Variants in NAA15 observed in about 807,000 individuals in gnomAD.
NAA15 encodes the protein N-alpha-acetyltransferase 15, NatA auxiliary subunit.
In NAA15, 34 loss-of-function variants were observed where a neutral mutation model predicts 114.0. That is an observed-to-expected ratio of 0.30 (90% confidence interval 0.23 to 0.40). The LOEUF is 0.40. Ranked by LOEUF, NAA15 falls within the 10% of genes least tolerant of loss-of-function variation. NAA15 has a pLI of 1.00. For missense variants in NAA15, 658 were observed against 1,004.5 expected (o/e 0.66, Z 4.66); for synonymous variants, 340 against 338.0 (o/e 1.01, Z -0.06).
intron 19 of NAA15, 154 bp downstream of exon 19, chr4:139,386,384 C>T (rs570673907): frequency 3.0e-4 from 143 of 468,968 alleles, no homozygotes; most frequent in Non-Finnish European, 4.6e-4. Context: ...GCTTGGCATT[C>T]AGTAACTAGT....
At chr4:139,327,256 A>G (rs1016637125) in intron 1 of NAA15, among the ~76,000 whole-genome samples, 18 of 151,378 alleles carry the variant, frequency 1.2e-4, no homozygotes, top group Admixed American at 7.2e-4. Context: ...TTGTTTGTTT[A>G]TTTGTTTGTT....
intron 6 of NAA15, among the ~76,000 whole-genome samples, chr4:139,346,645 G>A (rs1747593415): frequency 6.6e-6 from 1 of 152,012 alleles, no homozygotes; most frequent in African/African-American, 2.4e-5. Flanking sequence ...CCACCTCCCG[G>A]GTTCAAGCGA....
At chr4:139,338,790 A>T (rs1358916369) in intron 3 of NAA15, among the ~76,000 whole-genome samples, 1 of 150,780 alleles carries the variant, frequency 6.6e-6, no homozygotes, top group East Asian at 2.0e-4. Context: ...CCTCTGGCCT[A>T]AAAGTTGTTA....
At chr4:139,326,586 C>G (rs1746807821) in intron 1 of NAA15, among the ~76,000 whole-genome samples, 1 of 152,182 alleles carries the variant, frequency 6.6e-6, no homozygotes, top group Admixed American at 6.5e-5. Context: ...GCCCTTTTCA[C>G]TACTTCGTTA....
At chr4:139,320,302 G>A (rs374713982) in intron 1 of NAA15, among the ~76,000 whole-genome samples, 1 of 152,050 alleles carries the variant, frequency 6.6e-6, no homozygotes, top group African/African-American at 2.4e-5. Context: ...GTCCTATTTG[G>A]GTCTATTCCA....
chr4:139,340,843 G>GT, intron 3 of NAA15, 69 bp from the exon 4 acceptor site: 2 of 1,301,750 alleles, frequency 1.5e-6, no homozygotes, highest in Non-Finnish European at 2.0e-6. Context: ...GGTTCTCCAA[G>GT]TTTTTTGGGA....
chr4:139,328,347 C>T (rs531572979), intron 1 of NAA15, among the ~76,000 whole-genome samples: 24 of 151,730 alleles, frequency 1.6e-4, no homozygotes, highest in African/African-American at 5.8e-4. Flanking sequence ...GCTGGGATTA[C>T]AGGTGTCCGC....
At chr4:139,374,879 G>C (rs77765090) in intron 15 of NAA15, among the ~76,000 whole-genome samples, 24 of 152,270 alleles carry the variant, frequency 1.6e-4, no homozygotes, top group African/African-American at 5.5e-4. Flanking sequence ...TAATTTCTCT[G>C]TTTCCTCTCT....
In NAA15 at chr4:139,377,462, C is replaced by T. The variant is rs567105132; in HGVS notation, c.2056+989C>T. On this transcript the variant is annotated intron_variant, in intron 16 of 19. Transcript: ENST00000296543. ...CTGAGGCAGGAGAATCGCTTGAACC[C>T]GGGAGGCAGAGGTTGTGGTGAGCCT... 3.3e-4 allele frequency among the ~76,000 whole-genome samples: 50 copies of T among 151,596 alleles called. 1 individual carries two copies. The highest frequency in any genetic ancestry group is 1.1e-3 in the African/African-American group (44 of 41,302).
Position 139,381,269 on chromosome 4 carries a change from T to C in NAA15, c.2155+2415T>C, listed in dbSNP as rs200979965. Among the ~76,000 whole-genome samples the C allele has an allele frequency of 3.3e-5, 5 of 152,290 alleles. No individual in the cohort carries two copies. The South Asian group carries it at 1.0e-3, about 32-fold the overall frequency. On this transcript the variant is annotated intron_variant, in intron 17 of 19. Transcript: ENST00000296543. Reference sequence around the variant, plus strand: ...TTTATGATTTTAAATTTTAAAGTTGTAGGACTTAAAACAATTACATTTCTG... The same window carrying C: ...TTTATGATTTTAAATTTTAAAGTTGCAGGACTTAAAACAATTACATTTCTG...
chr4:139,328,179 C>T (rs1164626038), intron 1 of NAA15, among the ~76,000 whole-genome samples: 1 of 151,322 alleles, frequency 6.6e-6, no homozygotes, highest in Non-Finnish European at 1.5e-5. Context: ...GGGAAAGGTT[C>T]CATTTTAAAA....
intron 19 of NAA15, chr4:139,386,563 T>A (rs1748914354): frequency 5.7e-6 from 1 of 175,270 alleles, no homozygotes; most frequent in African/African-American, 2.4e-5. Flanking sequence ...GGCGTTTTGG[T>A]TCATGGCCTA....
intron 17 of NAA15, among the ~76,000 whole-genome samples, chr4:139,380,018 C>G (rs1207387391): frequency 2.6e-5 from 4 of 152,190 alleles, no homozygotes. Flanking sequence ...ACACTCCAGC[C>G]TGGGCAACAG....
At chr4:139,328,677 C>T (rs1579096808) in intron 1 of NAA15, among the ~76,000 whole-genome samples, 1 of 150,574 alleles carries the variant, frequency 6.6e-6, no homozygotes, top group South Asian at 2.1e-4. Flanking sequence ...AAGTGATTCT[C>T]CTGCCTCAGC....
rs1019358409 is a variant in NAA15, at chr4:139,370,094, C to T, written c.1754-117C>T. The T allele has an allele frequency of 2.8e-5, 24 of 850,566 alleles. No homozygotes were observed. The African/African-American group carries it at 3.9e-4, about 14-fold the overall frequency. 52.7% of individuals were successfully genotyped at this position (850,566 alleles called of 1,614,324 possible). On this transcript the variant is annotated intron_variant, in intron 14 of 19. Transcript: ENST00000296543. ...TGCTGGGATTATAGGCATGAGACGCCATGCCCAGCCTCATGCAATATTTTT... is the reference window on the plus strand; with the variant it reads ...TGCTGGGATTATAGGCATGAGACGCTATGCCCAGCCTCATGCAATATTTTT...
chr4:139,350,347 A>G (rs2110932062), intron 7 of NAA15, among the ~76,000 whole-genome samples: 1 of 152,328 alleles, frequency 6.6e-6, no homozygotes, highest in South Asian at 2.1e-4. Flanking sequence ...GCTCTGTGGT[A>G]AGCTGTGGCT....
At chr4:139,330,124 T>G (rs1430276684) in intron 1 of NAA15, among the ~76,000 whole-genome samples, 1 of 152,232 alleles carries the variant, frequency 6.6e-6, no homozygotes, top group Non-Finnish European at 1.5e-5. Flanking sequence ...AACTACATTT[T>G]TATACATGTA....
rs1394376398 is a variant in NAA15 at position 139,357,386 on chromosome 4, A to T, written c.1088A>T (p.Asp363Val). 6.2e-7 allele frequency: 1 copy of T among 1,613,504 alleles called. No individual in the cohort carries two copies. The highest frequency in any genetic ancestry group is 8.5e-7 in the Non-Finnish European group (1 of 1,179,794). Residue 363 changes from aspartate (D) to valine (V), a missense_variant and splice_region_variant, in exon 11 of 20, where the codon GAT (aspartate) becomes GTT (valine). Asp to Val is a radical substitution (Grantham distance 152, BLOSUM62 -3). This residue lies in a region of NAA15 where 281 missense variants were observed against 389.1 expected (regional missense o/e 0.72). Transcript: ENST00000296543. ...GGTTTCTTCTCCCTCTTCTCCTAAG[A>T]TGATGGAAAGGAGGAACCACCAACC... ...LKSCRLFNPN[D>V]DGKEEPPTTL...
At chr4:139,305,560 G>A (rs530995893) in intron 1 of NAA15, among the ~76,000 whole-genome samples, 34 of 144,602 alleles carry the variant, frequency 2.4e-4, no homozygotes, top group South Asian at 6.5e-4. Context: ...TTTTTGAGAC[G>A]GAGTTTCGCT....
Sources: allele counts gnomAD v4.1 joint callset (sites outside exome capture counted in the v4.1 genomes callset), GRCh38; gene constraint gnomAD v4.1.1; regional missense constraint gnomAD v4.1.1; transcripts MANE v1.5; gene names NCBI Gene and HGNC (gene_info 2026-07-23, HGNC 2026-07-21).